STIMATE: variants seen among roughly 807,000 people sequenced by gnomAD.
STIMATE encodes the protein STIM activating enhancer, also known as store-operated calcium entry regulator STIMATE.
In STIMATE, 15 loss-of-function variants were observed where a neutral mutation model predicts 36.7. The observed-to-expected ratio is 0.41, with a 90% CI of 0.27 to 0.63. The LOEUF (loss-of-function observed/expected upper bound fraction) is 0.63, where lower values mean the gene tolerates loss of function less well. STIMATE is among the 20% of genes least tolerant of loss of function. The pLI is 0.32. For missense variants in STIMATE, 305 were observed against 397.3 expected (o/e 0.77, Z 1.98); for synonymous variants, 163 against 162.3 (o/e 1.00, Z -0.03).
intron 4 of STIMATE, among the ~76,000 whole-genome samples, chr3:52,845,354 G>A (rs1700875287): frequency 6.6e-6 from 1 of 152,200 alleles, no homozygotes; most frequent in Non-Finnish European, 1.5e-5. Flanking sequence ...CTGTCCATGA[G>A]TGGACTGATG....
chr3:52,884,246 G>GTTT (rs10716399), intron 1 of STIMATE, among the ~76,000 whole-genome samples: 2 of 128,684 alleles, frequency 1.6e-5, no homozygotes. Context: ...CACCCAAAAA[G>GTTT]TTTTTTTTTT....
chr3:52,883,006 T>C (rs1348937052), intron 1 of STIMATE, among the ~76,000 whole-genome samples: 1 of 152,168 alleles, frequency 6.6e-6, no homozygotes, highest in Non-Finnish European at 1.5e-5. Flanking sequence ...AGAAAGCAAC[T>C]CAATTTCTTC....
intron 1 of STIMATE, among the ~76,000 whole-genome samples, chr3:52,891,977 G>A (rs1408066828): frequency 6.6e-6 from 1 of 152,190 alleles, no homozygotes. Context: ...GAAAACTGAA[G>A]CTTTGAGAAA....
rs116371507 is a variant in STIMATE at position 52,861,420 on chromosome 3, C to T, written c.161-5976G>A. ...CTTTTGTGTACAGGTGTCCTGAAGA[C>T]AGGCATGGGTCTCATCAGCCCTGAA... On this transcript the variant is annotated intron_variant, in intron 1 of 7. Coordinates refer to ENST00000355083, the MANE Select transcript of STIMATE (RefSeq NM_198563.5). 5.5e-3 allele frequency among the ~76,000 whole-genome samples: 845 copies of T among 152,338 alleles called. 4 individuals are homozygous for T. Among genetic ancestry groups the T allele is most frequent in the Non-Finnish European group, 7.4e-3 (501 of 68,026 alleles).
intron 1 of STIMATE, among the ~76,000 whole-genome samples, chr3:52,891,020 G>T (rs567903232): frequency 3.9e-5 from 6 of 152,134 alleles, no homozygotes; most frequent in African/African-American, 1.4e-4. Flanking sequence ...AATGATTGAT[G>T]AGTCATTTCA....
chr3:52,855,750 C>T (rs574379837), intron 1 of STIMATE, among the ~76,000 whole-genome samples: 5 of 152,308 alleles, frequency 3.3e-5, no homozygotes, highest in African/African-American at 4.8e-5. Context: ...AATGACAAAG[C>T]GGAACGCAGC....
At position 52,836,751 on chromosome 3, in the gene STIMATE, T is replaced by G. The variant is rs1440430855; in HGVS notation, c.*3743A>C. ...GTGATGGTTTCTTTTTAAAAAAAACTGTAATAAGATGCCAAACTTTATTGT... is the reference window on the plus strand; with the variant it reads ...GTGATGGTTTCTTTTTAAAAAAAACGGTAATAAGATGCCAAACTTTATTGT... On this transcript the variant is annotated 3_prime_UTR_variant, in exon 8 of 8. Coordinates refer to ENST00000355083, the MANE Select transcript of STIMATE (RefSeq NM_198563.5). 1.4e-5 allele frequency: 5 copies of G among 365,408 alleles called. No individual in the cohort carries two copies. In the East Asian group the frequency reaches 3.8e-4, roughly 27 times the overall value. 22.6% of individuals were successfully genotyped at this position (365,408 alleles called of 1,614,324 possible).
chr3:52,846,785 C>G (rs2106657691), intron 4 of STIMATE, among the ~76,000 whole-genome samples: 1 of 152,358 alleles, frequency 6.6e-6, no homozygotes, highest in South Asian at 2.1e-4. Context: ...GGGAGAAGCA[C>G]ACGTGGCTGC....
intron 1 of STIMATE, among the ~76,000 whole-genome samples, chr3:52,864,258 C>T (rs192382569): frequency 3.3e-4 from 50 of 152,334 alleles, no homozygotes; most frequent in African/African-American, 1.2e-3. Context: ...GGTTCCCAAA[C>T]TCCAATTCTT....
Position 52,839,121 on chromosome 3 carries a change from C to T in STIMATE, c.*1373G>A, listed in dbSNP as rs1700754815. 1 of 152,238 alleles carries T rather than the reference C, an allele frequency of 6.6e-6. No individual in the cohort carries two copies. Among genetic ancestry groups the T allele is most frequent in the Admixed American group, 6.5e-5 (1 of 15,280 alleles). The allele number at this position is 152,238 out of a possible 1,614,324, so 9.4% of individuals were successfully genotyped here. A position where few individuals can be genotyped will look rare whatever the true frequency, so the allele number is the denominator to read the frequency against. On this transcript the variant is annotated 3_prime_UTR_variant, in exon 8 of 8. Coordinates refer to ENST00000355083, the MANE Select transcript of STIMATE (RefSeq NM_198563.5). The stretch of plus-strand genomic sequence containing the variant: ...CTGTGGCCATGCTGAGGAGTAGTGA[C>T]CATTCCCCAGGGAGGGGACACGGCC...
At chr3:52,860,341 G>T (rs942029458) in intron 1 of STIMATE, among the ~76,000 whole-genome samples, 10 of 151,992 alleles carry the variant, frequency 6.6e-5, no homozygotes, top group Admixed American at 3.3e-4. Flanking sequence ...GGGCTGGCAC[G>T]TGGGGTCTGA....
chr3:52,886,547 C>T (rs1701689151), intron 1 of STIMATE, among the ~76,000 whole-genome samples: 1 of 152,236 alleles, frequency 6.6e-6, no homozygotes, highest in Non-Finnish European at 1.5e-5. Context: ...GTACTCTACA[C>T]ATGTGACTCA....
At chr3:52,856,020 T>C (rs193036692) in intron 1 of STIMATE, among the ~76,000 whole-genome samples, 1 of 152,256 alleles carries the variant, frequency 6.6e-6, no homozygotes, top group Non-Finnish European at 1.5e-5. Context: ...TCTTCCATCT[T>C]CCAGTGAAGA....
At position 52,839,475 on chromosome 3, in the gene STIMATE, A is replaced by G. The variant is rs1235368382; in HGVS notation, c.*1019T>C. 6.6e-6 allele frequency: 1 copy of G among 152,222 alleles called. No individual in the cohort carries two copies. Among genetic ancestry groups the G allele is most frequent in the Non-Finnish European group, 1.5e-5 (1 of 68,044 alleles). 9.4% of individuals were successfully genotyped at this position (152,222 alleles called of 1,614,324 possible). ...GGTAGTCTTGGGTCCTCTGGAAACA[A>G]AGACCTCTTAGCTAAGCTCCTTTCT... is the stretch of plus-strand genomic sequence containing the variant. On this transcript the variant is annotated 3_prime_UTR_variant, in exon 8 of 8. Coordinates refer to ENST00000355083, the MANE Select transcript of STIMATE (RefSeq NM_198563.5).
At chr3:52,857,155 G>T (rs1701114081) in intron 1 of STIMATE, among the ~76,000 whole-genome samples, 1 of 152,194 alleles carries the variant, frequency 6.6e-6, no homozygotes, top group Non-Finnish European at 1.5e-5. Context: ...AACAAAGGCA[G>T]TCTGCATTTG....
intron 4 of STIMATE, among the ~76,000 whole-genome samples, chr3:52,845,672 G>A (rs1700882335): frequency 6.6e-6 from 1 of 152,216 alleles, no homozygotes; most frequent in East Asian, 1.9e-4. Flanking sequence ...GAGGGACCTA[G>A]TAGTACAAGC....
chr3:52,897,171 G>T, intron 1 of STIMATE, 120 bp downstream of exon 1: 1 of 1,325,344 alleles, frequency 7.5e-7, no homozygotes. Flanking sequence ...GCCTGGGTTT[G>T]CGGGGGAGGA....
chr3:52,851,485 C>T (rs1431034215), intron 3 of STIMATE, among the ~76,000 whole-genome samples: 1 of 152,250 alleles, frequency 6.6e-6, no homozygotes, highest in Non-Finnish European at 1.5e-5. Flanking sequence ...CCAGAGGGCG[C>T]AGCCTGTGCT....
Position 52,855,460 on chromosome 3 carries a change from G to T in STIMATE, c.161-16C>A. On this transcript the variant is annotated splice_polypyrimidine_tract_variant and intron_variant, in intron 1 of 7. Coordinates refer to ENST00000355083, the MANE Select transcript of STIMATE (RefSeq NM_198563.5). ...AAGCGTTTGACTGAAAGAAAAGACA[G>T]ACATCAGTAGTTTTCCAAAGAAGTT... The T allele has an allele frequency of 6.2e-7, 1 of 1,614,010 alleles. No individual in the cohort carries two copies. The highest frequency in any genetic ancestry group is 8.5e-7 in the Non-Finnish European group (1 of 1,179,992).
Sources: allele counts gnomAD v4.1 joint callset (sites outside exome capture counted in the v4.1 genomes callset), GRCh38; gene constraint gnomAD v4.1.1; transcripts MANE v1.5; gene names NCBI Gene and HGNC (gene_info 2026-07-23, HGNC 2026-07-21).